The following SGCZ variants were observed in gnomAD, a reference collection of about 807,000 sequenced individuals.
The protein encoded by SGCZ is zeta-sarcoglycan.
In SGCZ, 40 loss-of-function variants were observed where a neutral mutation model predicts 41.3. That is an observed-to-expected ratio of 0.97 (90% confidence interval 0.75 to 1.26). The LOEUF (loss-of-function observed/expected upper bound fraction) is 1.26. Ranked by LOEUF, SGCZ falls within the 50% of genes most tolerant of loss-of-function variation. The probability of loss-of-function intolerance (pLI) is 0.00; values close to 1 mark genes in which losing one functional copy is unlikely to be tolerated. For missense variants in SGCZ, 552 were observed against 369.8 expected, an observed-to-expected ratio of 1.49 and a Z score of -4.04; for synonymous variants, 206 against 137.5, an observed-to-expected ratio of 1.50 and a Z score of -3.49.
chr8:14,333,101 C>T (rs1221935530), intron 2 of SGCZ, among the ~76,000 whole-genome samples: 2 of 151,920 alleles, frequency 1.3e-5, no homozygotes, highest in Non-Finnish European at 1.5e-5. Context: ...CAAAAATCAA[C>T]TGGTATAGCT....
chr8:14,971,755 T>C (rs531411875), intron 1 of SGCZ, among the ~76,000 whole-genome samples: 169 of 151,312 alleles, frequency 1.1e-3, no homozygotes, highest in Admixed American at 2.1e-3. Context: ...GTTCAAGTGA[T>C]TCTCCTGCCT....
chr8:14,497,412 T>C (rs1211347207), intron 2 of SGCZ, among the ~76,000 whole-genome samples: 1 of 152,116 alleles, frequency 6.6e-6, no homozygotes, highest in East Asian at 1.9e-4. Flanking sequence ...CACTTACCAC[T>C]AAGGAGATGG....
chr8:14,174,901 C>T (rs1804496699), intron 4 of SGCZ, among the ~76,000 whole-genome samples: 1 of 152,138 alleles, frequency 6.6e-6, no homozygotes, highest in African/African-American at 2.4e-5. Context: ...TATCTCTTGA[C>T]ATCATCTTCC....
chr8:14,366,503 G>T (rs1261321684), intron 2 of SGCZ, among the ~76,000 whole-genome samples: 1 of 152,000 alleles, frequency 6.6e-6, no homozygotes, highest in Non-Finnish European at 1.5e-5. Context: ...AATTTGGTGG[G>T]GGGGACACAA....
chr8:14,582,549 G>A (rs1804925889), intron 1 of SGCZ, among the ~76,000 whole-genome samples: 1 of 151,692 alleles, frequency 6.6e-6, no homozygotes, highest in African/African-American at 2.4e-5. Context: ...TAGGGTACAT[G>A]TGCACAATGT....
chr8:14,485,990 C>T (rs188673131), intron 2 of SGCZ, among the ~76,000 whole-genome samples: 5 of 151,694 alleles, frequency 3.3e-5, no homozygotes, highest in East Asian at 1.9e-4. Flanking sequence ...TACAGGCGTC[C>T]GCCACCGCGC....
intron 3 of SGCZ, among the ~76,000 whole-genome samples, chr8:14,290,584 A>G (rs986670878): frequency 1.3e-5 from 2 of 152,162 alleles, no homozygotes; most frequent in African/African-American, 2.4e-5. Context: ...TATGAAAAAA[A>G]TGCTCAACAT....
chr8:15,170,585 G>A (rs1372499856), intron 1 of SGCZ, among the ~76,000 whole-genome samples: 1 of 152,184 alleles, frequency 6.6e-6, no homozygotes, highest in African/African-American at 2.4e-5. Flanking sequence ...TTAAATGAAA[G>A]AGTCCACCAG....
intron 1 of SGCZ, among the ~76,000 whole-genome samples, chr8:14,964,213 A>C (rs1447551375): frequency 6.6e-6 from 1 of 152,088 alleles, no homozygotes; most frequent in African/African-American, 2.4e-5. Context: ...TCTCTCACTT[A>C]GCCCTATTTT....
chr8:14,273,885 A>G (rs1800140663), intron 3 of SGCZ, among the ~76,000 whole-genome samples: 1 of 152,164 alleles, frequency 6.6e-6, no homozygotes, highest in Non-Finnish European at 1.5e-5. Flanking sequence ...TAGAAGTCTG[A>G]AAGAGGTAAA....
chr8:15,021,817 G>A (rs1177428858), intron 1 of SGCZ, among the ~76,000 whole-genome samples: 4 of 152,110 alleles, frequency 2.6e-5, no homozygotes, highest in Admixed American at 6.5e-5. Flanking sequence ...TTAAAAATTA[G>A]CATTGATGTC....
intron 4 of SGCZ, among the ~76,000 whole-genome samples, chr8:14,221,059 T>C (rs1420340754): frequency 6.6e-6 from 1 of 151,848 alleles, no homozygotes; most frequent in East Asian, 1.9e-4. Context: ...AGGTAACTCA[T>C]GAAATACAGA....
intron 1 of SGCZ, among the ~76,000 whole-genome samples, chr8:14,611,775 A>G (rs1805937537): frequency 6.6e-6 from 1 of 152,186 alleles, no homozygotes; most frequent in Non-Finnish European, 1.5e-5. Flanking sequence ...ATACAAATTT[A>G]TATTACCGAG....
chr8:14,469,330 C>A (rs1441902790), intron 2 of SGCZ, among the ~76,000 whole-genome samples: 3 of 152,036 alleles, frequency 2.0e-5, no homozygotes, highest in East Asian at 3.9e-4. Flanking sequence ...TCAGATATGA[C>A]CTTAAATACA....
intron 1 of SGCZ, among the ~76,000 whole-genome samples, chr8:14,612,771 C>G (rs1159949469): frequency 6.6e-6 from 1 of 152,102 alleles, no homozygotes; most frequent in Non-Finnish European, 1.5e-5. Flanking sequence ...ATTGCAACCT[C>G]CACCTCCCAA....
intron 1 of SGCZ, among the ~76,000 whole-genome samples, chr8:15,075,583 A>G (rs1805501117): frequency 2.0e-5 from 3 of 152,138 alleles, no homozygotes. Context: ...AAGGCAGAAA[A>G]CTGGTTAGGT....
At chr8:14,093,885 G>C (rs1236604058) in intron 7 of SGCZ, among the ~76,000 whole-genome samples, 1 of 151,940 alleles carries the variant, frequency 6.6e-6, no homozygotes, top group Non-Finnish European at 1.5e-5. Context: ...CATTTGTAAT[G>C]TTACATTTGT....
intron 4 of SGCZ, among the ~76,000 whole-genome samples, chr8:14,228,122 A>G (rs1245617512): frequency 6.6e-6 from 1 of 152,108 alleles, no homozygotes; most frequent in Non-Finnish European, 1.5e-5. Context: ...ATAACCTTAC[A>G]TTAGTGAACA....
At chr8:14,258,034 G>A (rs942118772) in intron 3 of SGCZ, among the ~76,000 whole-genome samples, 5 of 152,114 alleles carry the variant, frequency 3.3e-5, no homozygotes, top group African/African-American at 9.7e-5. Context: ...AGAACCTTGC[G>A]TGACATTTTG....
Sources: allele counts gnomAD v4.1 joint callset (sites outside exome capture counted in the v4.1 genomes callset), GRCh38; gene constraint gnomAD v4.1.1; transcripts MANE v1.5; gene names NCBI Gene and HGNC (gene_info 2026-07-23, HGNC 2026-07-21).